Variants in EYS observed in about 807,000 individuals in gnomAD.
EYS encodes protein eyes shut homolog.
EYS carries 250 observed loss-of-function variants against 282.1 expected under a neutral mutation model. The ratio of observed to expected loss-of-function variants is 0.89; its 90% CI spans 0.80 to 0.98. EYS has a LOEUF of 0.98. Ranked by LOEUF, EYS falls within the 50% of genes least tolerant of loss-of-function variation. The pLI is 0.00. For missense variants in EYS, 4,016 were observed against 3,709.0 expected (o/e 1.08, Z -2.15); for synonymous variants, 1,355 against 1,282.9 (o/e 1.06, Z -1.20).
intron 30 of EYS, among the ~76,000 whole-genome samples, chr6:64,267,814 C>T (rs755325269): frequency 1.1e-4 from 17 of 151,972 alleles, no homozygotes; most frequent in Admixed American, 7.9e-4. Context: ...CAAAAGATTG[C>T]TCATCCCTAC....
intron 13 of EYS, among the ~76,000 whole-genome samples, chr6:65,011,467 C>T (rs1771868039): frequency 6.6e-6 from 1 of 152,188 alleles, no homozygotes; most frequent in South Asian, 2.1e-4. Context: ...CTACCGCAGA[C>T]CCCTGGACTG....
intron 35 of EYS, among the ~76,000 whole-genome samples, chr6:63,897,495 C>G (rs537660881): frequency 6.6e-6 from 1 of 152,004 alleles, no homozygotes; most frequent in African/African-American, 2.4e-5. Context: ...TGCATCCACA[C>G]GTAAGGAATG....
At chr6:65,431,026 C>T (rs1483322068) in intron 5 of EYS, among the ~76,000 whole-genome samples, 1 of 152,158 alleles carries the variant, frequency 6.6e-6, no homozygotes, top group Admixed American at 6.5e-5. Flanking sequence ...GGAACTTTGT[C>T]TTACACTTTA....
chr6:65,469,344 T>G (rs2127236888), intron 5 of EYS, among the ~76,000 whole-genome samples: 1 of 152,232 alleles, frequency 6.6e-6, no homozygotes, highest in East Asian at 1.9e-4. Flanking sequence ...AACAACATTT[T>G]TATTTCAGTG....
chr6:64,454,104 A>G (rs1476913468), intron 26 of EYS, among the ~76,000 whole-genome samples: 1 of 152,134 alleles, frequency 6.6e-6, no homozygotes, highest in Non-Finnish European at 1.5e-5. Context: ...TGGCCTTGCA[A>G]TGTAGAGTAC....
rs576104943 is a variant in EYS at position 65,179,612 on chromosome 6, A to C, written c.2023+116251T>G. ...CCAGGACCAGATGGATTCACAGCCG[A>C]ATTCTACCAGAGGTACAAGGAGGAG... On this transcript the variant is annotated intron_variant, in intron 12 of 42. Transcript: ENST00000503581. Among the ~76,000 whole-genome samples, 583 of 152,266 alleles carry C rather than the reference A, an allele frequency of 3.8e-3. 1 individual carries two copies. The highest frequency in any genetic ancestry group is 0.01 in the Middle Eastern group (3 of 294).
chr6:64,654,664 C>T (rs1768683562), intron 22 of EYS, among the ~76,000 whole-genome samples: 1 of 152,136 alleles, frequency 6.6e-6, no homozygotes, highest in Non-Finnish European at 1.5e-5. Flanking sequence ...TGTTATGATG[C>T]TATTGTCTTT....
At chr6:65,049,654 A>C (rs918175905) in intron 13 of EYS, among the ~76,000 whole-genome samples, 1 of 151,774 alleles carries the variant, frequency 6.6e-6, no homozygotes, top group Non-Finnish European at 1.5e-5. Flanking sequence ...CAATTTTTCA[A>C]AGCTTTCAGA....
chr6:64,491,895 T>C (rs1776752210), intron 26 of EYS, among the ~76,000 whole-genome samples: 1 of 151,232 alleles, frequency 6.6e-6, no homozygotes, highest in Non-Finnish European at 1.5e-5. Flanking sequence ...TACACTTAAA[T>C]AGCATGTGCT....
At chr6:65,436,740 A>G (rs922446407) in intron 5 of EYS, among the ~76,000 whole-genome samples, 1 of 152,136 alleles carries the variant, frequency 6.6e-6, no homozygotes, top group Non-Finnish European at 1.5e-5. Context: ...TTCAATAAAT[A>G]ATTAGAAAAG....
chr6:65,460,506 T>C (rs1291612006), intron 5 of EYS, among the ~76,000 whole-genome samples: 2 of 152,046 alleles, frequency 1.3e-5, no homozygotes, highest in African/African-American at 4.8e-5. Context: ...GACCTGATAA[T>C]TTGGACCTTA....
intron 22 of EYS, among the ~76,000 whole-genome samples, chr6:64,745,603 C>T (rs1188673229): frequency 6.6e-6 from 1 of 151,894 alleles, no homozygotes; most frequent in African/African-American, 2.4e-5. Flanking sequence ...CACTGTAATC[C>T]AGAAAAATGG....
chr6:64,170,256 G>A (rs1764439237), intron 31 of EYS, among the ~76,000 whole-genome samples: 1 of 152,286 alleles, frequency 6.6e-6, no homozygotes, highest in Non-Finnish European at 1.5e-5. Flanking sequence ...GATTAAGGAA[G>A]CTTTGGCTAG....
At chr6:64,887,556 A>C (rs1222527843) in intron 18 of EYS, among the ~76,000 whole-genome samples, 4 of 152,098 alleles carry the variant, frequency 2.6e-5, no homozygotes, top group African/African-American at 9.6e-5. Context: ...AAGAAGCTTT[A>C]GCAACTTTCC....
intron 22 of EYS, among the ~76,000 whole-genome samples, chr6:64,681,027 G>T (rs1281388464): frequency 6.6e-6 from 1 of 152,156 alleles, no homozygotes; most frequent in Non-Finnish European, 1.5e-5. Flanking sequence ...TAGCTTACTG[G>T]AGAGAAATGG....
chr6:63,976,700 T>C (rs184894069), intron 35 of EYS, among the ~76,000 whole-genome samples: 9 of 152,202 alleles, frequency 5.9e-5, no homozygotes, highest in Admixed American at 5.2e-4. Flanking sequence ...ATCTTTGGTA[T>C]GTGGTTTATA....
intron 12 of EYS, among the ~76,000 whole-genome samples, chr6:65,182,127 C>A (rs1226142640): frequency 2.0e-5 from 3 of 151,686 alleles, no homozygotes; most frequent in African/African-American, 7.3e-5. Context: ...TTAATGGGTG[C>A]AGCACACCAA....
At chr6:63,802,638 C>G (rs1157176146) in intron 37 of EYS, among the ~76,000 whole-genome samples, 20 of 151,836 alleles carry the variant, frequency 1.3e-4, no homozygotes, top group Admixed American at 1.3e-3. Flanking sequence ...GAAACTCTAT[C>G]TTAAATCATT....
chr6:64,918,021 A>T (rs1768220125), intron 15 of EYS, among the ~76,000 whole-genome samples: 1 of 152,146 alleles, frequency 6.6e-6, no homozygotes, highest in Admixed American at 6.5e-5. Flanking sequence ...TAAATAATTC[A>T]TTCATTATTT....
Sources: gnomAD v4.1 joint callset for allele counts (sites outside exome capture counted in the v4.1 genomes callset) on GRCh38, gnomAD v4.1.1 for gene constraint, MANE v1.5 for transcripts, NCBI Gene and HGNC (gene_info 2026-07-23, HGNC 2026-07-21) for gene names.